Variants in PPP2R2B observed in about 807,000 individuals in gnomAD.
PPP2R2B encodes the protein protein phosphatase 2 regulatory subunit Bbeta, also known as serine/threonine-protein phosphatase 2A 55 kDa regulatory subunit B beta isoform.
A neutral mutation model predicts 46.0 loss-of-function variants in PPP2R2B; 5 were observed. The observed-to-expected ratio is 0.11, with a 90% CI of 0.06 to 0.23. The LOEUF (loss-of-function observed/expected upper bound fraction) is 0.23, where lower values mean the gene tolerates loss of function less well. Ranked by LOEUF, PPP2R2B falls within the 10% of genes least tolerant of loss-of-function variation. The pLI, the probability that PPP2R2B is intolerant of heterozygous loss-of-function variation, is 1.00. For synonymous variants in PPP2R2B, 215 were observed against 206.7 expected, an observed-to-expected ratio of 1.04 and a Z score of -0.34; for missense variants, 367 against 575.0, an observed-to-expected ratio of 0.64 and a Z score of 3.70.
intron 1 of PPP2R2B, among the ~76,000 whole-genome samples, chr5:147,026,859 C>T (rs868793415): frequency 1.3e-5 from 2 of 152,260 alleles, no homozygotes; most frequent in Middle Eastern, 3.4e-3. Context: ...AGTGTAACTA[C>T]TTTGGAAAAT....
At chr5:146,966,605 T>G (rs1752425054) in intron 1 of PPP2R2B, among the ~76,000 whole-genome samples, 1 of 152,204 alleles carries the variant, frequency 6.6e-6, no homozygotes, top group South Asian at 2.1e-4. Context: ...TTCTTTCTGT[T>G]TCCCATCCCC....
intron 2 of PPP2R2B, among the ~76,000 whole-genome samples, chr5:146,807,788 T>C (rs1245827132): frequency 1.7e-4 from 14 of 81,048 alleles, no homozygotes; most frequent in African/African-American, 8.5e-4. Flanking sequence ...TTTTTTTTTT[T>C]TTTTTTTTTT....
At chr5:146,758,686 G>A (rs1435300915) in intron 2 of PPP2R2B, among the ~76,000 whole-genome samples, 4 of 152,018 alleles carry the variant, frequency 2.6e-5, no homozygotes, top group South Asian at 4.2e-4. Flanking sequence ...TAATACCTAC[G>A]GGTCAAATGA....
intron 2 of PPP2R2B, among the ~76,000 whole-genome samples, chr5:146,817,260 C>A (rs1757982960): frequency 6.6e-6 from 1 of 152,118 alleles, no homozygotes; most frequent in Admixed American, 6.5e-5. Context: ...TCTCCTCTTT[C>A]CCAAGGTAAA....
intron 2 of PPP2R2B, among the ~76,000 whole-genome samples, chr5:147,064,850 A>G (rs899896360): frequency 5.9e-5 from 9 of 152,204 alleles, no homozygotes; most frequent in Admixed American, 2.0e-4. Context: ...TAAACCAAGT[A>G]CACTGACAAG....
intron 2 of PPP2R2B, among the ~76,000 whole-genome samples, chr5:146,748,754 C>G (rs186449003): frequency 6.6e-6 from 1 of 152,086 alleles, no homozygotes; most frequent in Non-Finnish European, 1.5e-5. Flanking sequence ...TATGGACGTA[C>G]CACAGTTTGA....
upstream of PPP2R2B, among the ~76,000 whole-genome samples, chr5:147,056,827 G>A (rs2151905847): frequency 6.6e-6 from 1 of 152,226 alleles, no homozygotes. Flanking sequence ...CTTATCACTG[G>A]AAGGCAAGAA....
At chr5:147,005,979 C>T (rs1485464075) in intron 1 of PPP2R2B, among the ~76,000 whole-genome samples, 1 of 152,186 alleles carries the variant, frequency 6.6e-6, no homozygotes, top group Admixed American at 6.5e-5. Flanking sequence ...AAGGGCATAA[C>T]CCGAAAACAC....
chr5:146,763,578 G>A (rs1754294548), intron 2 of PPP2R2B, among the ~76,000 whole-genome samples: 6 of 152,200 alleles, frequency 3.9e-5, no homozygotes. Context: ...AGGTAAGCAA[G>A]ACCAAATGCA....
intron 2 of PPP2R2B, among the ~76,000 whole-genome samples, chr5:147,066,800 C>T (rs1757427568): frequency 6.6e-6 from 1 of 151,998 alleles, no homozygotes; most frequent in African/African-American, 2.4e-5. Flanking sequence ...GAAATGTCAG[C>T]AGTTTCTGAG....
intron 2 of PPP2R2B, among the ~76,000 whole-genome samples, chr5:146,858,761 C>T (rs1419059313): frequency 2.0e-5 from 3 of 152,106 alleles, no homozygotes; most frequent in African/African-American, 7.2e-5. Flanking sequence ...AAAAGTAAAT[C>T]CACTGGCTTC....
Position 146,704,416 on chromosome 5 carries a change from T to G in PPP2R2B, c.71-3274A>C, listed in dbSNP as rs188704358. Among the ~76,000 whole-genome samples the G allele has an allele frequency of 3.4e-4, 52 of 152,334 alleles. 1 individual carries two copies. In the East Asian group the frequency reaches 9.1e-3, roughly 27 times the overall value. On this transcript the variant is annotated intron_variant, in intron 2 of 9. Coordinates refer to ENST00000394411, the MANE Select transcript of PPP2R2B (RefSeq NM_181675.4). ...ATCAAGTTCAACATGGCTTTCACCT[T>G]TAAATTGTAAGTTTATATGACAATT...
intron 5 of PPP2R2B, chr5:146,656,666 C>T (rs1776351510): frequency 6.6e-6 from 1 of 152,660 alleles, no homozygotes; most frequent in Non-Finnish European, 1.5e-5. Context: ...TCCTGAGTAG[C>T]TGACTACAGG....
chr5:146,878,674 C>G lies in PPP2R2B; in HGVS notation c.-208G>C. 7.8e-7 allele frequency: 1 copy of G among 1,288,190 alleles called. No homozygotes were observed. Among genetic ancestry groups the G allele is most frequent in the Non-Finnish European group, 1.0e-6 (1 of 988,196 alleles). 79.8% of individuals were successfully genotyped at this position (1,288,190 alleles called of 1,614,324 possible). Reference sequence around the variant, plus strand: ...GAAGCTGGCGGGGAGCTGGGCAGGGCGCTGCAGCCGGCGCCAGCGCACTCA... The same window carrying G: ...GAAGCTGGCGGGGAGCTGGGCAGGGGGCTGCAGCCGGCGCCAGCGCACTCA... On this transcript the variant is annotated 5_prime_UTR_variant, in exon 1 of 10. Transcript: ENST00000394411. The surrounding 1 kb of genome is among the most constrained non-coding windows in gnomAD (Gnocchi z 4.5).
chr5:146,992,371 A>G (rs954634845), intron 1 of PPP2R2B, among the ~76,000 whole-genome samples: 2 of 152,244 alleles, frequency 1.3e-5, no homozygotes, highest in Non-Finnish European at 2.9e-5. Flanking sequence ...CAGCACTTGA[A>G]AAAATGTAGA....
intron 9 of PPP2R2B, chr5:146,592,032 T>G: frequency 5.4e-6 from 2 of 370,598 alleles, no homozygotes; most frequent in Non-Finnish European, 1.0e-5. Context: ...AATAATAATA[T>G]ATGAATAAAT....
chr5:146,733,184 C>CT (rs1752332620), intron 2 of PPP2R2B, among the ~76,000 whole-genome samples: 1 of 152,084 alleles, frequency 6.6e-6, no homozygotes, highest in South Asian at 2.1e-4. Flanking sequence ...ATATTCTTCC[C>CT]TAAATATGCA....
chr5:146,745,160 CAGAGAGAGAGAGAGAGAGAGAGAG>C (rs747573157), intron 2 of PPP2R2B, among the ~76,000 whole-genome samples: 8 of 94,950 alleles, frequency 8.4e-5, no homozygotes, highest in African/African-American at 3.2e-4. Context: ...CAGAGAAAGA[CAGAGAGAGAGAGAGAGAGAGAGAG>C]AGAGAGAGAG....
intron 2 of PPP2R2B, among the ~76,000 whole-genome samples, chr5:146,867,005 G>A (rs1761351036): frequency 6.6e-6 from 1 of 152,154 alleles, no homozygotes; most frequent in Non-Finnish European, 1.5e-5. Flanking sequence ...AGAGTCATTT[G>A]TGTTTGTTTC....
Sources: gnomAD v4.1 joint callset for allele counts (sites outside exome capture counted in the v4.1 genomes callset) on GRCh38, gnomAD v4.1.1 for gene constraint, Gnocchi (gnomAD v3.1) non-coding constraint, MANE v1.5 for transcripts, NCBI Gene and HGNC (gene_info 2026-07-23, HGNC 2026-07-21) for gene names.